The following NPAS3 variants were observed in gnomAD, a reference collection of about 807,000 sequenced individuals.
NPAS3 encodes neuronal PAS domain protein 3.
In NPAS3, 14 loss-of-function variants were observed where a neutral mutation model predicts 73.1. The ratio of observed to expected loss-of-function variants is 0.19; its 90% CI spans 0.13 to 0.30. NPAS3 has a LOEUF of 0.30. Ranked by LOEUF, NPAS3 falls within the 10% of genes least tolerant of loss-of-function variation. The pLI is 1.00. For synonymous variants in NPAS3, 620 were observed against 541.5 expected (o/e 1.14, Z -2.01); for missense variants, 1,096 against 1,250.0 (o/e 0.88, Z 1.86).
At chr14:33,389,009 C>T (rs528767780) in intron 4 of NPAS3, among the ~76,000 whole-genome samples, 5 of 152,150 alleles carry the variant, frequency 3.3e-5, no homozygotes, top group Non-Finnish European at 7.3e-5. Context: ...TGCACTACCT[C>T]TAGGTATGCT....
chr14:33,737,129 C>T (rs2061542624), intron 7 of NPAS3, among the ~76,000 whole-genome samples: 1 of 152,152 alleles, frequency 6.6e-6, no homozygotes, highest in Non-Finnish European at 1.5e-5. Context: ...AGCTCCATAC[C>T]ACATGCACTT....
At chr14:32,981,848 C>T (rs1046552936) in intron 1 of NPAS3, among the ~76,000 whole-genome samples, 3 of 152,114 alleles carry the variant, frequency 2.0e-5, no homozygotes, top group African/African-American at 7.2e-5. Context: ...TAATCCAGGC[C>T]GTTTTCTTTT....
At chr14:33,409,891 G>A (rs1243136600) in intron 4 of NPAS3, among the ~76,000 whole-genome samples, 1 of 152,120 alleles carries the variant, frequency 6.6e-6, no homozygotes, top group African/African-American at 2.4e-5. Flanking sequence ...AAATAATCTG[G>A]TTGGAGACAT....
At chr14:33,130,866 A>G (rs1045148083) in intron 2 of NPAS3, among the ~76,000 whole-genome samples, 1 of 152,176 alleles carries the variant, frequency 6.6e-6, no homozygotes, top group African/African-American at 2.4e-5. Context: ...TGAAATTCCT[A>G]TAGAAGTGTG....
chr14:33,094,182 G>A (rs2042327330), intron 2 of NPAS3, among the ~76,000 whole-genome samples: 1 of 151,772 alleles, frequency 6.6e-6, no homozygotes, highest in Non-Finnish European at 1.5e-5. Context: ...CTTTTGGGGG[G>A]AAAACCATCT....
intron 6 of NPAS3, among the ~76,000 whole-genome samples, chr14:33,705,322 A>C (rs2060626961): frequency 6.6e-6 from 1 of 152,138 alleles, no homozygotes; most frequent in African/African-American, 2.4e-5. Context: ...CAGTTAGTTC[A>C]TTGGCTCCCT....
intron 5 of NPAS3, among the ~76,000 whole-genome samples, chr14:33,666,100 TA>T (rs1158580671): frequency 6.6e-6 from 1 of 152,154 alleles, no homozygotes; most frequent in Non-Finnish European, 1.5e-5. Flanking sequence ...TTTAGTATTT[TA>T]AAAGGAAGGG....
At chr14:33,008,095 T>C (rs1282801917) in intron 1 of NPAS3, among the ~76,000 whole-genome samples, 1 of 152,218 alleles carries the variant, frequency 6.6e-6, no homozygotes, top group Non-Finnish European at 1.5e-5. Context: ...AAATAATTCC[T>C]AATAAAATGC....
At chr14:33,651,720 GA>G (rs1256430324) in intron 5 of NPAS3, among the ~76,000 whole-genome samples, 2 of 151,870 alleles carry the variant, frequency 1.3e-5, no homozygotes, top group African/African-American at 4.8e-5. Context: ...TTATGAAGAG[GA>G]AAAAAACTGA....
At chr14:33,261,584 C>A (rs1198861493) in intron 3 of NPAS3, among the ~76,000 whole-genome samples, 1 of 151,812 alleles carries the variant, frequency 6.6e-6, no homozygotes, top group African/African-American at 2.4e-5. Flanking sequence ...AAACATTTTC[C>A]TCAGTTTAAT....
In NPAS3 at chr14:33,022,535, G is replaced by A. The variant is rs138724603; in HGVS notation, c.51-33370G>A. 2.6e-3 allele frequency among the ~76,000 whole-genome samples: 402 copies of A among 152,014 alleles called. 17 individuals carry two copies. The East Asian group carries it at 0.067, about 25-fold the overall frequency. On this transcript the variant is annotated intron_variant, in intron 1 of 11. Transcript: ENST00000356141. ...AAAAAAGTAGCTGGGCGTGGTGGCG[G>A]GAGCCTGTAGTCCTAGCTGCTCTGG...
chr14:33,408,396 T>A (rs2047762184), intron 4 of NPAS3, among the ~76,000 whole-genome samples: 1 of 152,104 alleles, frequency 6.6e-6, no homozygotes, highest in South Asian at 2.1e-4. Context: ...TCACATTTGT[T>A]CTCTCTCATG....
chr14:33,651,768 TGTTA>T (rs1187834986), intron 5 of NPAS3, among the ~76,000 whole-genome samples: 2 of 152,176 alleles, frequency 1.3e-5, no homozygotes, highest in African/African-American at 4.8e-5. Context: ...GCTCAATACA[TGTTA>T]GTTTGGTTTG....
intron 1 of NPAS3, among the ~76,000 whole-genome samples, chr14:32,993,372 G>A (rs531938592): frequency 5.1e-4 from 78 of 152,252 alleles, no homozygotes; most frequent in Middle Eastern, 3.4e-3. Flanking sequence ...TTTTAAGGAG[G>A]CAGTTGAAAG....
chr14:33,699,648 T>G (rs1342990400), intron 6 of NPAS3, among the ~76,000 whole-genome samples: 4 of 152,216 alleles, frequency 2.6e-5, no homozygotes, highest in Non-Finnish European at 5.9e-5. Flanking sequence ...TAATTAGAAC[T>G]GTAATTCAGA....
chr14:33,482,930 C>T (rs1385164904), intron 4 of NPAS3, among the ~76,000 whole-genome samples: 1 of 152,126 alleles, frequency 6.6e-6, no homozygotes, highest in African/African-American at 2.4e-5. Context: ...TAAATTAAAA[C>T]ATGTTAATGA....
intron 2 of NPAS3, among the ~76,000 whole-genome samples, chr14:33,188,930 G>A (rs2046074167): frequency 6.6e-6 from 1 of 152,024 alleles, no homozygotes; most frequent in Non-Finnish European, 1.5e-5. Context: ...ATAAGTCAGT[G>A]GTAATTTTTC....
At position 33,147,760 on chromosome 14, in the gene NPAS3, C is replaced by CAA. The variant is rs1391588359; in HGVS notation, c.141-67417_141-67416dup. On this transcript the variant is annotated intron_variant, in intron 2 of 11. Coordinates refer to ENST00000356141, the Ensembl canonical transcript of NPAS3. ...ATATATATATATATATATATACACA[C>CAA]AAAAAAGTTTGGATTAAAAAAAGTA... 1.7e-3 allele frequency among the ~76,000 whole-genome samples: 199 copies of CAA among 117,520 alleles called. 2 individuals are homozygous for CAA. The highest frequency in any genetic ancestry group is 6.0e-3 in the African/African-American group (146 of 24,450). 77.1% of individuals were successfully genotyped at this position (117,520 alleles called of 152,430 possible).
chr14:33,721,769 A>G (rs1006568648), intron 6 of NPAS3, among the ~76,000 whole-genome samples: 5 of 152,220 alleles, frequency 3.3e-5, no homozygotes, highest in Non-Finnish European at 7.3e-5. Context: ...CATGAGGATA[A>G]GCACTACGTA....
Sources: allele counts gnomAD v4.1 joint callset (sites outside exome capture counted in the v4.1 genomes callset), GRCh38; gene constraint gnomAD v4.1.1; transcripts MANE v1.5; gene names NCBI Gene and HGNC (gene_info 2026-07-23, HGNC 2026-07-21).